The following STXBP5L variants were observed in gnomAD, a reference collection of about 807,000 sequenced individuals.
STXBP5L encodes the protein syntaxin-binding protein 5-like.
STXBP5L carries 65 observed loss-of-function variants against 144.5 expected under a neutral mutation model. That is an observed-to-expected ratio of 0.45 (90% CI 0.37 to 0.55). The LOEUF is 0.55. STXBP5L is among the 20% of genes least tolerant of loss of function. The pLI, the probability that STXBP5L is intolerant of heterozygous loss-of-function variation, is 0.00. For missense variants in STXBP5L, 1,298 were observed against 1,405.5 expected, an observed-to-expected ratio of 0.92 and a Z score of 1.22; for synonymous variants, 505 against 469.6, an observed-to-expected ratio of 1.08 and a Z score of -0.97.
intron 5 of STXBP5L, among the ~76,000 whole-genome samples, chr3:121,077,882 C>A (rs1031658435): frequency 2.6e-5 from 4 of 152,134 alleles, no homozygotes; most frequent in Admixed American, 2.6e-4. Context: ...GGTGTGTTTA[C>A]AAACCTTGAG....
At chr3:121,151,784 T>A (rs1336971406) in intron 7 of STXBP5L, among the ~76,000 whole-genome samples, 1 of 151,984 alleles carries the variant, frequency 6.6e-6, no homozygotes, top group Non-Finnish European at 1.5e-5. Context: ...ATAGGAAGGA[T>A]ACAAATAATA....
At chr3:121,405,956 C>T (rs1048606604) in intron 22 of STXBP5L, among the ~76,000 whole-genome samples, 1 of 152,032 alleles carries the variant, frequency 6.6e-6, no homozygotes, top group African/African-American at 2.4e-5. Flanking sequence ...CTACTGTCAG[C>T]CATCTCTAAA....
At chr3:121,414,657 C>G (rs950279429) in intron 24 of STXBP5L, among the ~76,000 whole-genome samples, 2 of 152,188 alleles carry the variant, frequency 1.3e-5, no homozygotes, top group Non-Finnish European at 2.9e-5. Flanking sequence ...GCAAAAGCCT[C>G]ACGGCTAAGG....
intron 2 of STXBP5L, among the ~76,000 whole-genome samples, chr3:120,945,060 T>G: frequency 6.6e-6 from 1 of 151,872 alleles, no homozygotes; most frequent in East Asian, 1.9e-4. Flanking sequence ...TGGCAAAATA[T>G]GTTGTGTCCA....
At chr3:121,349,363 G>A (rs953762091) in intron 20 of STXBP5L, among the ~76,000 whole-genome samples, 4 of 152,036 alleles carry the variant, frequency 2.6e-5, no homozygotes, top group South Asian at 2.1e-4. Flanking sequence ...TTGCTGAGGA[G>A]TGCTTTACTT....
intron 5 of STXBP5L, among the ~76,000 whole-genome samples, chr3:121,096,573 T>A (rs1161695903): frequency 1.3e-5 from 2 of 152,140 alleles, no homozygotes; most frequent in African/African-American, 4.8e-5. Context: ...TGTTTGTTAG[T>A]TTTTCTTCCA....
intron 19 of STXBP5L, among the ~76,000 whole-genome samples, chr3:121,298,449 A>G (rs2051750185): frequency 6.6e-6 from 1 of 152,234 alleles, no homozygotes; most frequent in Non-Finnish European, 1.5e-5. Context: ...TCAAAGGCAC[A>G]GGTAATAAAG....
intron 9 of STXBP5L, among the ~76,000 whole-genome samples, chr3:121,191,400 G>C: frequency 6.6e-6 from 1 of 152,286 alleles, no homozygotes; most frequent in Non-Finnish European, 1.5e-5. Context: ...CCAGTCAGGC[G>C]TGGAGGCGCA....
At chr3:121,047,053 T>C (rs868372879) in intron 5 of STXBP5L, among the ~76,000 whole-genome samples, 5 of 152,172 alleles carry the variant, frequency 3.3e-5, no homozygotes, top group Admixed American at 2.0e-4. Context: ...GTATGTTTTC[T>C]TGGTTCTCAG....
chr3:121,163,617 G>T (rs2046398556), intron 9 of STXBP5L, among the ~76,000 whole-genome samples: 1 of 151,758 alleles, frequency 6.6e-6, no homozygotes, highest in Non-Finnish European at 1.5e-5. Flanking sequence ...AATAATTACA[G>T]GGTTTTTAAA....
chr3:121,189,124 C>G (rs2047526210), intron 9 of STXBP5L, among the ~76,000 whole-genome samples: 1 of 152,140 alleles, frequency 6.6e-6, no homozygotes, highest in African/African-American at 2.4e-5. Flanking sequence ...GATATTAGCC[C>G]TTTGTCAGAT....
intron 7 of STXBP5L, among the ~76,000 whole-genome samples, chr3:121,134,511 C>T (rs1391619295): frequency 3.9e-5 from 6 of 151,978 alleles, no homozygotes; most frequent in Non-Finnish European, 5.9e-5. Flanking sequence ...CCCATTAACT[C>T]GTCATTTAAC....
rs141286789 is a variant in STXBP5L, at chr3:121,198,699, A to G, written c.878-7224A>G. Reference sequence around the variant, plus strand: ...AGTAGGTCCAGTTTCTGTTTTCTGCATATCGCTAGCCAGTTTTCCCAGCAC... The same window carrying G: ...AGTAGGTCCAGTTTCTGTTTTCTGCGTATCGCTAGCCAGTTTTCCCAGCAC... On this transcript the variant is annotated intron_variant, in intron 9 of 26. Coordinates refer to ENST00000471454, the MANE Select transcript of STXBP5L (RefSeq NM_001308330.2). 3.0e-3 allele frequency among the ~76,000 whole-genome samples: 464 copies of G among 152,312 alleles called. 3 individuals are homozygous for G. The highest frequency in any genetic ancestry group is 0.01 in the African/African-American group (433 of 41,558).
intron 2 of STXBP5L, among the ~76,000 whole-genome samples, chr3:120,910,036 A>G (rs1239011911): frequency 6.6e-6 from 1 of 152,224 alleles, no homozygotes; most frequent in Non-Finnish European, 1.5e-5. Context: ...AAAATTTTTA[A>G]TATTTGTGTA....
chr3:121,001,888 T>C (rs1020358253), intron 3 of STXBP5L, among the ~76,000 whole-genome samples: 1 of 152,208 alleles, frequency 6.6e-6, no homozygotes, highest in Non-Finnish European at 1.5e-5. Context: ...ATCTTGGCTC[T>C]TTCCTCTTTT....
At chr3:121,156,474 G>A (rs1221644729) in intron 8 of STXBP5L, among the ~76,000 whole-genome samples, 1 of 151,774 alleles carries the variant, frequency 6.6e-6, no homozygotes, top group Non-Finnish European at 1.5e-5. Flanking sequence ...ATAGTACTTA[G>A]TACTTTACCC....
chr3:121,235,511 A>T (rs1396648993), intron 12 of STXBP5L, among the ~76,000 whole-genome samples: 1 of 152,040 alleles, frequency 6.6e-6, no homozygotes, highest in Non-Finnish European at 1.5e-5. Flanking sequence ...AATTTTCTCA[A>T]TATTTCACTT....
intron 9 of STXBP5L, among the ~76,000 whole-genome samples, chr3:121,204,394 T>C (rs1297829050): frequency 6.6e-6 from 1 of 152,174 alleles, no homozygotes; most frequent in Non-Finnish European, 1.5e-5. Context: ...TTTTTTATTA[T>C]TTTTTTCTTC....
chr3:121,052,475 A>G (rs1318504980), intron 5 of STXBP5L, among the ~76,000 whole-genome samples: 1 of 152,218 alleles, frequency 6.6e-6, no homozygotes, highest in African/African-American at 2.4e-5. Flanking sequence ...CAGCATATAA[A>G]CAGAACCAAA....
Sources: allele counts gnomAD v4.1 joint callset (sites outside exome capture counted in the v4.1 genomes callset), GRCh38; gene constraint gnomAD v4.1.1; transcripts MANE v1.5; gene names NCBI Gene and HGNC (gene_info 2026-07-23, HGNC 2026-07-21).